The following NTAQ1 variants were observed in gnomAD, a reference collection of about 807,000 sequenced individuals.
The protein encoded by NTAQ1 is N-terminal glutamine amidase 1.
A neutral mutation model predicts 28.2 loss-of-function variants in NTAQ1; 21 were observed. The ratio of observed to expected loss-of-function variants is 0.74; its 90% confidence interval spans 0.53 to 1.07. The LOEUF (loss-of-function observed/expected upper bound fraction) is 1.07, where lower values mean the gene tolerates loss of function less well. Among genes scored for constraint, NTAQ1 ranks in the 50% least tolerant of loss-of-function variants. The pLI, the probability that NTAQ1 is intolerant of heterozygous loss-of-function variation, is 0.00. For missense variants in NTAQ1, 264 were observed against 256.6 expected (o/e 1.03, Z -0.20); for synonymous variants, 105 against 90.0 (o/e 1.17, Z -0.94).
chr8:123,456,828 A>T (rs1815662941), intron 6 of NTAQ1, among the ~76,000 whole-genome samples: 1 of 152,222 alleles, frequency 6.6e-6, no homozygotes, highest in Non-Finnish European at 1.5e-5. Flanking sequence ...ATTTATCTAT[A>T]GAAATGACCT....
At chr8:123,448,202 T>A (rs1437890899), downstream of NTAQ1, 1 of 152,240 alleles carries the variant, frequency 6.6e-6, no homozygotes, top group African/African-American at 2.4e-5. Context: ...AACTTATGTA[T>A]TTTTTAAGTC....
intron 1 of NTAQ1, 120 bp downstream of exon 1, chr8:123,417,052 T>C (rs1813342494): frequency 5.8e-6 from 6 of 1,040,496 alleles, no homozygotes; most frequent in Non-Finnish European, 7.8e-6. Flanking sequence ...CGGCGGGTTC[T>C]ACAGTTTTGC....
chr8:123,452,878 C>T (rs929377277), downstream of NTAQ1, among the ~76,000 whole-genome samples: 8 of 152,082 alleles, frequency 5.3e-5, no homozygotes, highest in African/African-American at 1.9e-4. Context: ...GCAACCAGAG[C>T]GAAACTCCCT....
At chr8:123,432,798 A>G (rs1814476449) in intron 3 of NTAQ1, among the ~76,000 whole-genome samples, 1 of 151,372 alleles carries the variant, frequency 6.6e-6, no homozygotes, top group Non-Finnish European at 1.5e-5. Context: ...CCTCTGCCTC[A>G]GCCTCCCGAG....
At chr8:123,475,454 G>A in the NTAQ1 span, among the ~76,000 whole-genome samples, 5 of 151,948 alleles carry the variant, frequency 3.3e-5, no homozygotes, top group African/African-American at 1.2e-4. Context: ...ACAGAGTTTG[G>A]AAATATATGC....
chr8:123,461,645 A>G (rs1013278686), intron 6 of NTAQ1, among the ~76,000 whole-genome samples: 3 of 152,200 alleles, frequency 2.0e-5, no homozygotes, highest in African/African-American at 7.2e-5. Flanking sequence ...AGTCTGGCCT[A>G]TTAGACCATA....
intron 3 of NTAQ1, among the ~76,000 whole-genome samples, chr8:123,431,875 T>C (rs1048010413): frequency 6.6e-6 from 1 of 152,236 alleles, no homozygotes; most frequent in Non-Finnish European, 1.5e-5. Context: ...ACCCCTGTTA[T>C]AGATGGTCCG....
intron 1 of NTAQ1, among the ~76,000 whole-genome samples, chr8:123,427,247 C>CTT (rs33920843): frequency 0.013 from 1,083 of 81,560 alleles, 14 homozygotes; most frequent in East Asian, 0.014. Context: ...ATGGTCAAAG[C>CTT]TTTTTTTTTT....
chr8:123,462,029 C>A (rs1815836875), intron 6 of NTAQ1, among the ~76,000 whole-genome samples: 1 of 151,994 alleles, frequency 6.6e-6, no homozygotes, highest in Admixed American at 6.6e-5. Context: ...GTGCATGTAT[C>A]CCTAAAAGGG....
At chr8:123,420,930 G>A (rs1372250982) in intron 1 of NTAQ1, among the ~76,000 whole-genome samples, 2 of 151,794 alleles carry the variant, frequency 1.3e-5, no homozygotes, top group Non-Finnish European at 2.9e-5. Flanking sequence ...GGGACTACAG[G>A]CATGCACCAC....
In NTAQ1 at chr8:123,427,935, T is replaced by C; in HGVS notation, c.95T>C (p.Ile32Thr). The C allele has an allele frequency of 6.2e-7, 1 of 1,601,894 alleles. No homozygotes were observed. Among genetic ancestry groups the C allele is most frequent in the East Asian group, 2.2e-5 (1 of 44,732 alleles). ...VYSSCYCEEN[I>T]WKLCEYIKNH... ...TTATTTTATTTCAGTGAAGAAAATA[T>C]TTGGAAGCTCTGTGAATACATCAAA... Residue 32 changes from isoleucine (I) to threonine (T), a missense_variant, in exon 2 of 6, where the codon ATT (isoleucine) becomes ACT (threonine). Transcript: ENST00000287387.
chr8:123,418,395 G>A (rs1294318851), intron 1 of NTAQ1, among the ~76,000 whole-genome samples: 2 of 149,190 alleles, frequency 1.3e-5, no homozygotes, highest in South Asian at 2.1e-4. Context: ...AGGTTCCAGT[G>A]AGCTGATGCC....
At chr8:123,422,933 T>G (rs892558560) in intron 1 of NTAQ1, among the ~76,000 whole-genome samples, 2 of 152,132 alleles carry the variant, frequency 1.3e-5, no homozygotes, top group African/African-American at 4.8e-5. Flanking sequence ...TGGACTTTGT[T>G]GAAGATCAGA....
At position 123,441,625 on chromosome 8, in the gene NTAQ1, G is replaced by A; in HGVS notation, c.*210G>A. 1 of 572,648 alleles carries A rather than the reference G, an allele frequency of 1.7e-6. No individual in the cohort carries two copies. Among genetic ancestry groups the A allele is most frequent in the Non-Finnish European group, 3.1e-6 (1 of 322,318 alleles). 35.5% of individuals were successfully genotyped at this position (572,648 alleles called of 1,614,324 possible). A position where few individuals can be genotyped will look rare whatever the true frequency, so the allele number is the denominator to read the frequency against. ...ATGTCAAATTGAAACTTGATAAAGT[G>A]CGTACTTGCTAAGATATTCCTGTGG... On this transcript the variant is annotated 3_prime_UTR_variant, in exon 6 of 6. Transcript: ENST00000287387.
chr8:123,455,421 ATTTT>A (rs925294146), intron 6 of NTAQ1, among the ~76,000 whole-genome samples: 7 of 115,468 alleles, frequency 6.1e-5, no homozygotes, highest in African/African-American at 3.4e-5. Flanking sequence ...ATGCCCAGAA[ATTTT>A]TTTTTTTTTT....
At chr8:123,435,480 C>T (rs1814647174) in intron 3 of NTAQ1, 2 of 985,318 alleles carry the variant, frequency 2.0e-6, no homozygotes, top group African/African-American at 3.5e-5. Context: ...TAGTTTGGAG[C>T]AGATCCTTGC....
intron 6 of NTAQ1, among the ~76,000 whole-genome samples, chr8:123,458,033 C>CGA (rs1815699403): frequency 1.2e-5 from 1 of 85,402 alleles, no homozygotes; most frequent in Non-Finnish European, 2.1e-5. Context: ...GACTCTGTCT[C>CGA]AAAAAAAAAA....
chr8:123,427,859 T>C, intron 1 of NTAQ1, 65 bp from the exon 2 acceptor site: 1 of 1,338,350 alleles, frequency 7.5e-7, no homozygotes, highest in Non-Finnish European at 1.0e-6. Flanking sequence ...CATCAGTATT[T>C]TGTTCAAATT....
chr8:123,417,047 G>A (rs1475699198), intron 1 of NTAQ1, 115 bp downstream of exon 1: 3 of 1,087,052 alleles, frequency 2.8e-6, no homozygotes, highest in Admixed American at 3.8e-5. Context: ...TCTACCGGCG[G>A]GTTCTACAGT....
Sources: allele counts gnomAD v4.1 joint callset (sites outside exome capture counted in the v4.1 genomes callset), GRCh38; gene constraint gnomAD v4.1.1; transcripts MANE v1.5; gene names NCBI Gene and HGNC (gene_info 2026-07-23, HGNC 2026-07-21).